The following PLCD3 variants were observed in gnomAD, a reference collection of about 807,000 sequenced individuals.
PLCD3 encodes phospholipase C delta 3, also known as 1-phosphatidylinositol 4,5-bisphosphate phosphodiesterase delta-3.
A neutral mutation model predicts 82.8 loss-of-function variants in PLCD3; 62 were observed. The ratio of observed to expected loss-of-function variants is 0.75; its 90% CI spans 0.61 to 0.93. The LOEUF is 0.93. Ranked by LOEUF, PLCD3 falls within the 40% of genes least tolerant of loss-of-function variation. The probability of loss-of-function intolerance (pLI) is 0.00; values close to 1 mark genes in which losing one functional copy is unlikely to be tolerated. For synonymous variants in PLCD3, 478 were observed against 471.8 expected, an observed-to-expected ratio of 1.01 and a Z score of -0.17; for missense variants, 1,023 against 1,103.4, an observed-to-expected ratio of 0.93 and a Z score of 1.03.
intron 1 of PLCD3, among the ~76,000 whole-genome samples, chr17:45,126,659 CTT>C (rs747164911): frequency 1.4e-5 from 2 of 142,746 alleles, no homozygotes; most frequent in Non-Finnish European, 3.1e-5. Context: ...CCATTGTATA[CTT>C]TTTTTTTTTT....
chr17:45,117,710 A>G (rs2143560642), intron 7 of PLCD3, among the ~76,000 whole-genome samples: 1 of 152,310 alleles, frequency 6.6e-6, no homozygotes, highest in South Asian at 2.1e-4. Context: ...GGAAGTCATG[A>G]TTAAAATGTC....
rs1323881754 is a variant in PLCD3 at position 45,121,036 on chromosome 17, G to A, written c.420C>T (p.Thr140=). The change falls in exon 3 of 15, where the codon ACC becomes ACT. Residue 140 remains threonine, a synonymous_variant. Transcript: ENST00000619929. The stretch of plus-strand genomic sequence containing the variant: ...TCTTGCGGCGGCCCTTGAAGGCGAT[G>A]GTGAGGCAGCGCGCTGGCGCGAAGG... The part of the protein sequence containing the change: ...GGAFAPARCL[T]IAFKGRRKNL... 6.5e-7 allele frequency: 1 copy of A among 1,540,898 alleles called. No homozygotes were observed. Among genetic ancestry groups the A allele is most frequent in the Admixed American group, 1.9e-5 (1 of 51,748 alleles).
At chr17:45,125,663 T>G (rs1448215291) in intron 1 of PLCD3, among the ~76,000 whole-genome samples, 1 of 152,062 alleles carries the variant, frequency 6.6e-6, no homozygotes, top group Non-Finnish European at 1.5e-5. Flanking sequence ...CAAAATATGG[T>G]TTATCGATAC....
chr17:45,126,833 A>T (rs1219185718), intron 1 of PLCD3, among the ~76,000 whole-genome samples: 1 of 149,124 alleles, frequency 6.7e-6, no homozygotes, highest in South Asian at 2.1e-4. Flanking sequence ...TAATTTTTAA[A>T]TTTTTTTGTA....
At chr17:45,119,140 G>A in intron 4 of PLCD3, 97 bp from the exon 5 acceptor site, 1 of 913,530 alleles carries the variant, frequency 1.1e-6, no homozygotes, top group Non-Finnish European at 1.6e-6. Flanking sequence ...GAAGGCAATG[G>A]TCCCCATTTC....
chr17:45,114,266 G>A lies in PLCD3; in HGVS notation c.1812C>T (p.Asn604=). 1 of 1,538,354 alleles carries A rather than the reference G, an allele frequency of 6.5e-7. No homozygotes were observed. The highest frequency in any genetic ancestry group is 8.8e-7 in the Non-Finnish European group (1 of 1,140,878). Residue 604 remains asparagine (N), a synonymous_variant, in exon 11 of 15, where the codon AAC becomes AAT. Coordinates refer to ENST00000619929, the MANE Select transcript of PLCD3 (RefSeq NM_133373.5). ...CCCACTTACCCAGCTGACAGCCCGA[G>A]TTCCACATCTCCTGGGGACTGTAGT... ...SANYSPQEMW[N]SGCQLVALNF...
rs1347872037 is a variant in PLCD3 at position 45,121,096 on chromosome 17, G to T, written c.360C>A (p.Gly120=). The part of the protein sequence containing the change: ...FVQHIEAVRE[G]HQSEGLRRFG... ...AGCGCCGCAGGCCCTCGGACTGGTGGCCCTCGCGGACCGCCTCGATGTGCT... is the reference window on the plus strand; with the variant it reads ...AGCGCCGCAGGCCCTCGGACTGGTGTCCCTCGCGGACCGCCTCGATGTGCT... The change falls in exon 3 of 15, where the codon GGC becomes GGA. Residue 120 remains glycine (G), a synonymous_variant. Transcript: ENST00000619929. 2 of 1,532,638 alleles carry T rather than the reference G, an allele frequency of 1.3e-6. No individual in the cohort carries two copies. Among genetic ancestry groups the T allele is most frequent in the Non-Finnish European group, 1.7e-6 (2 of 1,148,102 alleles). The allele number at this position is 1,532,638 out of a possible 1,614,324, so 94.9% of individuals were successfully genotyped here. A position where few individuals can be genotyped will look rare whatever the true frequency, so the allele number is the denominator to read the frequency against.
chr17:45,124,945 C>T (rs753560262), intron 1 of PLCD3, among the ~76,000 whole-genome samples: 3 of 152,272 alleles, frequency 2.0e-5, no homozygotes, highest in Non-Finnish European at 2.9e-5. Flanking sequence ...AATCCCAGCA[C>T]TTTGGGAGGC....
intron 4 of PLCD3, among the ~76,000 whole-genome samples, chr17:45,119,775 G>T (rs1415537666): frequency 1.3e-5 from 2 of 152,216 alleles, no homozygotes; most frequent in Non-Finnish European, 2.9e-5. Flanking sequence ...GTGGCCCAGG[G>T]GTCCAGCTGC....
rs543638528 is a variant in PLCD3, at chr17:45,116,125, C to G, written c.1413+507G>C. ...AGGAGGAGAGTTTTCTCAAGGAGCC[C>G]GACAGGATAAATGTCTGGAGAGAGC... On this transcript the variant is annotated intron_variant, in intron 8 of 14. Transcript: ENST00000619929. 2.2e-4 allele frequency among the ~76,000 whole-genome samples: 33 copies of G among 152,144 alleles called. 2 individuals are homozygous for G. Among genetic ancestry groups the G allele is most frequent in the Admixed American group, 2.0e-3 (31 of 15,280 alleles).
chr17:45,120,841 G>C, intron 3 of PLCD3, 61 bp downstream of exon 3: 1 of 1,397,638 alleles, frequency 7.2e-7, no homozygotes. Flanking sequence ...CCAAGGATGG[G>C]GCTCTCCAAG....
At chr17:45,119,542 G>A (rs2054320263) in intron 4 of PLCD3, among the ~76,000 whole-genome samples, 1 of 152,180 alleles carries the variant, frequency 6.6e-6, no homozygotes, top group Non-Finnish European at 1.5e-5. Flanking sequence ...GGCCGGCAGG[G>A]CTGGACTTAA....
Position 45,115,404 on chromosome 17 carries a change from C to T in PLCD3, c.1500G>A (p.Glu500=). The change falls in exon 9 of 15, where the codon GAG becomes GAA. Residue 500 remains glutamate, a synonymous_variant. Transcript: ENST00000619929. ...CTTCCTCCTCGTCATCCTCCTCCTCCTCCTCCCGATCCGACAGAGCCCGGC... is the reference window on the plus strand; with the variant it reads ...CTTCCTCCTCGTCATCCTCCTCCTCTTCCTCCCGATCCGACAGAGCCCGGC... ...EDGRALSDRE[E]EEEDDEEEEE... The T allele has an allele frequency of 3.1e-6, 5 of 1,610,798 alleles. No homozygotes were observed. The highest frequency in any genetic ancestry group is 1.1e-5 in the South Asian group (1 of 90,342).
Position 45,118,222 on chromosome 17 carries a change from C to T in PLCD3, c.1115+69G>A. 3 of 1,610,730 alleles carry T rather than the reference C, an allele frequency of 1.9e-6. No homozygotes were observed. The East Asian group carries it at 6.7e-5, about 36-fold the overall frequency. On this transcript the variant is annotated intron_variant, in intron 6 of 14. Coordinates refer to ENST00000619929, the MANE Select transcript of PLCD3 (RefSeq NM_133373.5). The surrounding 1 kb of genome is among the most constrained non-coding windows in gnomAD (Gnocchi z 4.1). ...CAGCAGGCAGGCTGGGCCAGGAAGG[C>T]CCCAGGAAGCCAGCCCATGTCTCTC...
intron 10 of PLCD3, 147 bp downstream of exon 10, chr17:45,114,946 CG>C: frequency 2.5e-6 from 3 of 1,194,614 alleles, no homozygotes; most frequent in Non-Finnish European, 3.4e-6. Flanking sequence ...CTGGCATGTG[CG>C]GGGCCCTCAT....
At chr17:45,121,960 A>AAC (rs966808445) in intron 1 of PLCD3, among the ~76,000 whole-genome samples, 45 of 41,396 alleles carry the variant, frequency 1.1e-3, no homozygotes, top group Middle Eastern at 9.8e-3. Context: ...GCGTCTTAAC[A>AAC]AAAAAAAAAA....
intron 1 of PLCD3, among the ~76,000 whole-genome samples, chr17:45,124,599 T>C (rs2054367329): frequency 1.3e-5 from 2 of 152,178 alleles, no homozygotes; most frequent in Admixed American, 6.5e-5. Flanking sequence ...GGAGGCAAGG[T>C]CAGAGGGAGG....
chr17:45,119,134 G>T, intron 4 of PLCD3, 91 bp from the exon 5 acceptor site: 1 of 954,574 alleles, frequency 1.0e-6, no homozygotes, highest in Non-Finnish European at 1.5e-6. Flanking sequence ...ATCTGAGAAG[G>T]CAATGGTCCC....
At position 45,110,065 on chromosome 17, in the gene PLCD3, G is replaced by A. The variant is rs142157644; in HGVS notation, c.*2551C>T. The A allele has an allele frequency of 0.035, 5,380 of 151,836 alleles. 146 individuals carry two copies. The highest frequency in any genetic ancestry group is 0.058 in the Admixed American group (884 of 15,238). The allele number at this position is 151,836 out of a possible 1,614,324, so 9.4% of individuals were successfully genotyped here. On this transcript the variant is annotated 3_prime_UTR_variant, in exon 15 of 15. Transcript: ENST00000619929. ...TGCACTCTAGCCTAGGCGACAGAGC[G>A]AGACTCCATCTCAAAAAAACAAACA... is the stretch of plus-strand genomic sequence containing the variant.
Sources: allele counts gnomAD v4.1 joint callset (sites outside exome capture counted in the v4.1 genomes callset), GRCh38; gene constraint gnomAD v4.1.1; non-coding constraint Gnocchi (gnomAD v3.1); transcripts MANE v1.5; gene names NCBI Gene and HGNC (gene_info 2026-07-23, HGNC 2026-07-21).